ATF1: variants seen among roughly 807,000 people sequenced by gnomAD.
ATF1 encodes the protein activating transcription factor 1, also known as cyclic AMP-dependent transcription factor ATF-1.
A neutral mutation model predicts 34.7 loss-of-function variants in ATF1; 16 were observed. The ratio of observed to expected loss-of-function variants is 0.46; its 90% confidence interval spans 0.31 to 0.70. The LOEUF (loss-of-function observed/expected upper bound fraction) is 0.70. ATF1 is among the 30% of genes least tolerant of loss of function. The pLI, the probability that ATF1 is intolerant of heterozygous loss-of-function variation, is 0.05. For missense variants in ATF1, 255 were observed against 321.6 expected (o/e 0.79, Z 1.58); for synonymous variants, 105 against 113.1 (o/e 0.93, Z 0.46).
intron 2 of ATF1, among the ~76,000 whole-genome samples, chr12:50,789,528 C>T (rs10876092): frequency 0.35 from 52,642 of 151,430 alleles, 9,394 homozygotes; most frequent in Non-Finnish European, 0.39. Flanking sequence ...CTTTGGGAGG[C>T]GGGCGGATCA....
At chr12:50,774,693 TATGAG>T (rs1365986972) in intron 1 of ATF1, among the ~76,000 whole-genome samples, 2 of 144,664 alleles carry the variant, frequency 1.4e-5, no homozygotes, top group African/African-American at 2.9e-5. Context: ...TACTGTTGTT[TATGAG>T]ATGAAACTAT....
chr12:50,814,043 C>CAAGT lies in ATF1; in HGVS notation c.363_366dup (p.Pro123LysfsTer35). ...GCCCCAAATGGAGCCTTACAGTTGG[C>CAAGT]AAGTCCAGGCACAGATGGAGTACAG... On this transcript the variant is annotated frameshift_variant, in exon 5 of 7. Transcript: ENST00000262053. LOFTEE classifies it high-confidence loss of function. 6 of 1,613,584 alleles carry CAAGT rather than the reference C, an allele frequency of 3.7e-6. No homozygotes were observed. Among genetic ancestry groups the CAAGT allele is most frequent in the Non-Finnish European group, 5.1e-6 (6 of 1,179,890 alleles).
intron 3 of ATF1, among the ~76,000 whole-genome samples, chr12:50,796,443 G>A (rs1941410436): frequency 6.6e-6 from 1 of 152,160 alleles, no homozygotes; most frequent in African/African-American, 2.4e-5. Context: ...GCTTATGCCT[G>A]TAATCCCAGC....
chr12:50,795,878 G>A (rs1189262436), intron 2 of ATF1, 31 bp from the exon 3 acceptor site: 1 of 1,541,344 alleles, frequency 6.5e-7, no homozygotes, highest in Non-Finnish European at 9.0e-7. Flanking sequence ...CACCTGCATT[G>A]TTCATCATGT....
intron 1 of ATF1, among the ~76,000 whole-genome samples, chr12:50,766,308 G>T (rs1440154757): frequency 6.6e-6 from 1 of 152,100 alleles, no homozygotes; most frequent in Middle Eastern, 3.2e-3. Flanking sequence ...TTGGGTTGGA[G>T]GCCCTTCTAA....
intron 2 of ATF1, 87 bp from the exon 3 acceptor site, chr12:50,795,822 A>G (rs1592187928): frequency 5.2e-6 from 5 of 952,944 alleles, no homozygotes. Context: ...GTGGCAGGAG[A>G]CAGATCATTT....
rs71086476 is a variant in ATF1, at chr12:50,773,444, C to CTTTT, written c.-6-6677_-6-6674dup. Among the ~76,000 whole-genome samples the CTTTT allele has an allele frequency of 2.2e-3, 193 of 89,536 alleles. 5 individuals are homozygous for CTTTT. Among genetic ancestry groups the CTTTT allele is most frequent in the African/African-American group, 3.8e-3 (86 of 22,414 alleles). The allele number at this position is 89,536 out of a possible 152,430, so 58.7% of individuals were successfully genotyped here. ...AACTGTTGACTTTTTAATTGCCATT[C>CTTTT]TTTTTTTTTTTTTTTTTTTTTTCGA... On this transcript the variant is annotated intron_variant, in intron 1 of 6. Coordinates refer to ENST00000262053, the MANE Select transcript of ATF1 (RefSeq NM_005171.5).
chr12:50,772,318 C>CTTTTTTTTTTTTT (rs71086475), intron 1 of ATF1, among the ~76,000 whole-genome samples: 3 of 116,032 alleles, frequency 2.6e-5, no homozygotes, highest in Non-Finnish European at 1.9e-5. Context: ...TGCTCCATTC[C>CTTTTTTTTTTTTT]TTTTTTTTTT....
chr12:50,773,851 A>G (rs747755420), intron 1 of ATF1, among the ~76,000 whole-genome samples: 1 of 151,886 alleles, frequency 6.6e-6, no homozygotes, highest in Non-Finnish European at 1.5e-5. Context: ...CGATCTCCCA[A>G]AGCGCTAGGA....
At position 50,791,248 on chromosome 12, in the gene ATF1, C is replaced by T. The variant is rs534308446; in HGVS notation, c.94-4661C>T. Among the ~76,000 whole-genome samples, 7 of 152,172 alleles carry T rather than the reference C, an allele frequency of 4.6e-5. No individual in the cohort carries two copies. The East Asian group carries it at 1.4e-3, about 29-fold the overall frequency. On this transcript the variant is annotated intron_variant, in intron 2 of 6. Transcript: ENST00000262053. ...GTCTTGGGATGAGGAAAAGAACTTT[C>T]AGTGAAAGAAGAAAGGGAACAGGAA...
rs529017881 is a variant in ATF1, at chr12:50,819,612, G to GT, written c.672-16dup. The GT allele has an allele frequency of 1.4e-3, 2,323 of 1,603,280 alleles. 41 individuals are homozygous for GT. In the African/African-American group the frequency reaches 0.028, roughly 19 times the overall value. On this transcript the variant is annotated intron_variant, in intron 6 of 6. Coordinates refer to ENST00000262053, the MANE Select transcript of ATF1 (RefSeq NM_005171.5). ...AGAATGTGAAGTTTTTTCTAACATT[G>GT]TTTTTTTAATGCTCATATTTAGAGA...
chr12:50,811,797 G>C (rs1941743942), intron 4 of ATF1, among the ~76,000 whole-genome samples: 1 of 151,920 alleles, frequency 6.6e-6, no homozygotes, highest in Admixed American at 6.6e-5. Flanking sequence ...CTCAGAAAAA[G>C]AAGAAAGAAA....
intron 4 of ATF1, among the ~76,000 whole-genome samples, chr12:50,809,887 G>T (rs1941698855): frequency 6.6e-6 from 1 of 152,232 alleles, no homozygotes; most frequent in Non-Finnish European, 1.5e-5. Flanking sequence ...AGGCCGGAGT[G>T]CAGTGGCACA....
chr12:50,795,497 G>C (rs899503267), intron 2 of ATF1, among the ~76,000 whole-genome samples: 3 of 152,022 alleles, frequency 2.0e-5, no homozygotes. Context: ...TTTAATATTC[G>C]TCTCAATGTC....
At chr12:50,765,932 G>A (rs917039023) in intron 1 of ATF1, among the ~76,000 whole-genome samples, 2 of 152,170 alleles carry the variant, frequency 1.3e-5, no homozygotes, top group African/African-American at 4.8e-5. Flanking sequence ...AGCCCTTGGG[G>A]CTGCTCTGTC....
intron 2 of ATF1, among the ~76,000 whole-genome samples, chr12:50,790,701 A>G (rs1941282954): frequency 6.6e-6 from 1 of 152,022 alleles, no homozygotes; most frequent in Non-Finnish European, 1.5e-5. Context: ...GGAAAAGTAC[A>G]TAAGATGTTT....
chr12:50,776,173 A>G (rs564569011), intron 1 of ATF1, among the ~76,000 whole-genome samples: 5 of 151,512 alleles, frequency 3.3e-5, no homozygotes, highest in African/African-American at 9.7e-5. Flanking sequence ...TTAGCTGGGC[A>G]TGGTGGCGGG....
intron 1 of ATF1, among the ~76,000 whole-genome samples, chr12:50,771,054 G>A (rs1940758381): frequency 6.6e-6 from 1 of 151,348 alleles, no homozygotes; most frequent in Admixed American, 6.6e-5. Flanking sequence ...CGCCCAGGCT[G>A]GACTGCAGTG....
intron 3 of ATF1, among the ~76,000 whole-genome samples, chr12:50,807,656 A>T (rs10783390): frequency 0.011 from 1,631 of 152,110 alleles, 18 homozygotes; most frequent in Non-Finnish European, 0.015. Context: ...TTTGTGGATT[A>T]TTTTTTGTTG....
Sources: gnomAD v4.1 joint callset for allele counts (sites outside exome capture counted in the v4.1 genomes callset) on GRCh38, gnomAD v4.1.1 for gene constraint, MANE v1.5 for transcripts, NCBI Gene and HGNC (gene_info 2026-07-23, HGNC 2026-07-21) for gene names.